ZNF385D: variants seen among roughly 807,000 people sequenced by gnomAD.
ZNF385D encodes the protein zinc finger protein 385D.
A neutral mutation model predicts 35.8 loss-of-function variants in ZNF385D; 15 were observed. The ratio of observed to expected loss-of-function variants is 0.42; its 90% CI spans 0.28 to 0.64. The LOEUF (loss-of-function observed/expected upper bound fraction) is 0.64, where lower values mean the gene tolerates loss of function less well. ZNF385D is among the 30% of genes least tolerant of loss of function. The pLI is 0.23. For missense variants in ZNF385D, 474 were observed against 494.6 expected, an observed-to-expected ratio of 0.96 and a Z score of 0.39; for synonymous variants, 212 against 186.8, an observed-to-expected ratio of 1.13 and a Z score of -1.10.
intron 2 of ZNF385D, among the ~76,000 whole-genome samples, chr3:22,206,315 C>T (rs1437552547): frequency 6.6e-6 from 1 of 151,824 alleles, no homozygotes; most frequent in African/African-American, 2.4e-5. Context: ...GAGATAGACC[C>T]TAATACAATA....
intron 3 of ZNF385D, among the ~76,000 whole-genome samples, chr3:22,089,598 CT>C (rs1008097106): frequency 6.6e-6 from 1 of 152,060 alleles, no homozygotes; most frequent in Admixed American, 6.6e-5. Context: ...CCTCCGTGGC[CT>C]TTTTGCTATT....
intron 3 of ZNF385D, among the ~76,000 whole-genome samples, chr3:21,885,852 G>T (rs1333237822): frequency 6.6e-6 from 1 of 151,608 alleles, no homozygotes; most frequent in African/African-American, 2.4e-5. Context: ...TCTGAAATCT[G>T]CAGGAGTTAC....
chr3:21,461,213 T>C (rs1319063489), intron 4 of ZNF385D, among the ~76,000 whole-genome samples: 2 of 152,212 alleles, frequency 1.3e-5, no homozygotes, highest in African/African-American at 4.8e-5. Context: ...ATTTTTGTTC[T>C]TGTTAGTCTT....
In ZNF385D at chr3:21,573,788, G is replaced by A. The variant is rs2927528; in HGVS notation, c.166-9104C>T. 6.4e-4 allele frequency among the ~76,000 whole-genome samples: 97 copies of A among 151,786 alleles called. No homozygotes were observed. The South Asian group carries it at 7.1e-3, about 11-fold the overall frequency. On this transcript the variant is annotated intron_variant, in intron 2 of 7. Coordinates refer to ENST00000281523, the MANE Select transcript of ZNF385D (RefSeq NM_024697.3). ...CTTAAAGAAATAATGGGCTGGGCACGGTGGCTCACCCATGTAATCCCAGCA... is the reference window on the plus strand; with the variant it reads ...CTTAAAGAAATAATGGGCTGGGCACAGTGGCTCACCCATGTAATCCCAGCA...
At chr3:22,035,447 A>G (rs1698254235) in intron 3 of ZNF385D, among the ~76,000 whole-genome samples, 1 of 152,212 alleles carries the variant, frequency 6.6e-6, no homozygotes, top group African/African-American at 2.4e-5. Flanking sequence ...TTATCAGTTA[A>G]GCCCAGAGCA....
At chr3:21,991,443 T>G (rs752687156) in intron 3 of ZNF385D, among the ~76,000 whole-genome samples, 2 of 152,158 alleles carry the variant, frequency 1.3e-5, no homozygotes, top group Non-Finnish European at 2.9e-5. Context: ...TAGCAAACAT[T>G]TGGGGTATGT....
At chr3:22,108,534 A>C (rs774156377) in intron 3 of ZNF385D, among the ~76,000 whole-genome samples, 1 of 152,144 alleles carries the variant, frequency 6.6e-6, no homozygotes, top group Non-Finnish European at 1.5e-5. Context: ...AATGAGTGCA[A>C]TGCATGTGGA....
chr3:21,518,627 G>A (rs1707725219), intron 3 of ZNF385D, among the ~76,000 whole-genome samples: 1 of 152,120 alleles, frequency 6.6e-6, no homozygotes, highest in African/African-American at 2.4e-5. Flanking sequence ...AGCTGAGTTA[G>A]TGTTAGCCAT....
At chr3:21,999,831 T>TAA (rs1214134126) in intron 3 of ZNF385D, among the ~76,000 whole-genome samples, 2 of 151,788 alleles carry the variant, frequency 1.3e-5, no homozygotes, top group Non-Finnish European at 2.9e-5. Context: ...CTGTGTGATA[T>TAA]ATGGGACACC....
chr3:21,993,633 G>A (rs1277698572), intron 3 of ZNF385D, among the ~76,000 whole-genome samples: 2 of 152,140 alleles, frequency 1.3e-5, no homozygotes, highest in African/African-American at 2.4e-5. Context: ...AAAACATCTA[G>A]TGGAATTACT....
rs112675504 is a variant in ZNF385D at position 21,618,205 on chromosome 3, G to A, written c.165+46681C>T. Among the ~76,000 whole-genome samples the A allele has an allele frequency of 9.3e-3, 1,423 of 152,194 alleles. 26 individuals are homozygous for A. Among genetic ancestry groups the A allele is most frequent in the African/African-American group, 0.032 (1,347 of 41,520 alleles). On this transcript the variant is annotated intron_variant, in intron 2 of 7. Transcript: ENST00000281523. The stretch of plus-strand genomic sequence containing the variant: ...AAAGAGATTACCTTGGATTATCCTG[G>A]TGGGCCCTAAATCCCATTGTAAATA...
chr3:22,294,463 GTATAT>G (rs1402123528), intron 2 of ZNF385D, among the ~76,000 whole-genome samples: 2 of 151,902 alleles, frequency 1.3e-5, no homozygotes, highest in African/African-American at 4.8e-5. Context: ...CATATTTATC[GTATAT>G]AATATATAAT....
At chr3:21,559,764 T>G (rs548627739) in intron 3 of ZNF385D, among the ~76,000 whole-genome samples, 82 of 152,376 alleles carry the variant, frequency 5.4e-4, no homozygotes, top group African/African-American at 1.9e-3. Flanking sequence ...TTTTTGAACT[T>G]GGTTCCATTC....
At chr3:22,266,501 A>G (rs1041568883) in intron 2 of ZNF385D, among the ~76,000 whole-genome samples, 2 of 151,882 alleles carry the variant, frequency 1.3e-5, no homozygotes, top group African/African-American at 4.8e-5. Context: ...AGCTACCAAG[A>G]TCTTCCTAAT....
chr3:22,238,667 G>T (rs1340791833), intron 2 of ZNF385D, among the ~76,000 whole-genome samples: 1 of 150,404 alleles, frequency 6.6e-6, no homozygotes, highest in East Asian at 2.0e-4. Flanking sequence ...TCATTTATTA[G>T]CTCTAATGGT....
At chr3:21,814,440 T>C (rs1179249042) in intron 3 of ZNF385D, among the ~76,000 whole-genome samples, 2 of 152,032 alleles carry the variant, frequency 1.3e-5, no homozygotes, top group South Asian at 4.1e-4. Flanking sequence ...AGGAGACCCA[T>C]CTCATGTGCA....
chr3:22,327,986 C>T (rs762822178), intron 2 of ZNF385D, among the ~76,000 whole-genome samples: 1 of 152,100 alleles, frequency 6.6e-6, no homozygotes. Context: ...ATATGATAAG[C>T]GCTCTTCTAA....
intron 2 of ZNF385D, among the ~76,000 whole-genome samples, chr3:22,350,676 G>A (rs1287005595): frequency 6.6e-6 from 1 of 151,626 alleles, no homozygotes; most frequent in Admixed American, 6.6e-5. Context: ...AAAAGATAAT[G>A]TATTTCTTTT....
chr3:21,923,359 C>T (rs963226289), intron 3 of ZNF385D, among the ~76,000 whole-genome samples: 40 of 152,028 alleles, frequency 2.6e-4, no homozygotes, highest in African/African-American at 8.5e-4. Context: ...CAAAAAACAA[C>T]GCATGCTGGA....
Sources: gnomAD v4.1 joint callset for allele counts (sites outside exome capture counted in the v4.1 genomes callset) on GRCh38, gnomAD v4.1.1 for gene constraint, MANE v1.5 for transcripts, NCBI Gene and HGNC (gene_info 2026-07-23, HGNC 2026-07-21) for gene names.